Variants in CRTC1 observed in about 807,000 individuals in gnomAD.
CRTC1 encodes the protein CREB regulated transcription coactivator 1.
A neutral mutation model predicts 66.1 loss-of-function variants in CRTC1; 18 were observed. The ratio of observed to expected loss-of-function variants is 0.27; its 90% CI spans 0.19 to 0.40. The LOEUF (loss-of-function observed/expected upper bound fraction) is 0.40, where lower values mean the gene tolerates loss of function less well. Among genes scored for constraint, CRTC1 ranks in the 10% least tolerant of loss-of-function variants. CRTC1 has a pLI of 1.00. For synonymous variants in CRTC1, 416 were observed against 398.8 expected, an observed-to-expected ratio of 1.04 and a Z score of -0.51; for missense variants, 669 against 887.9, an observed-to-expected ratio of 0.75 and a Z score of 3.13.
At chr19:18,705,252 C>T (rs972223522) in intron 1 of CRTC1, among the ~76,000 whole-genome samples, 6 of 152,140 alleles carry the variant, frequency 3.9e-5, no homozygotes, top group Non-Finnish European at 7.3e-5. Flanking sequence ...GTGTACATCT[C>T]TTTGAGTCCC....
chr19:18,747,949 C>T (rs964240240), intron 4 of CRTC1, among the ~76,000 whole-genome samples: 2 of 151,860 alleles, frequency 1.3e-5, no homozygotes, highest in African/African-American at 4.8e-5. Flanking sequence ...TAGTAGTGCA[C>T]GCCTGTACTC....
chr19:18,719,427 G>A (rs1821543561), intron 1 of CRTC1, among the ~76,000 whole-genome samples: 1 of 152,210 alleles, frequency 6.6e-6, no homozygotes, highest in Non-Finnish European at 1.5e-5. Context: ...GGCACTCAAG[G>A]GGTACCAGGT....
intron 1 of CRTC1, among the ~76,000 whole-genome samples, chr19:18,698,214 G>A (rs1229656046): frequency 6.6e-6 from 1 of 151,726 alleles, no homozygotes; most frequent in African/African-American, 2.4e-5. Context: ...CAAGTGCTTA[G>A]TAGGTGCACA....
chr19:18,780,596 G>A lies in CRTC1; in HGVS notation c.*3214G>A, dbSNP rs2055084510. Reference sequence around the variant, plus strand: ...CCATCCATCCCTCCTGCTGGGGCTTGGATGTCAGGCTTGGGGGCTGTGAGC... The same window carrying A: ...CCATCCATCCCTCCTGCTGGGGCTTAGATGTCAGGCTTGGGGGCTGTGAGC... On this transcript the variant is annotated 3_prime_UTR_variant, in exon 14 of 14. Transcript: ENST00000321949. 1 of 230,270 alleles carries A rather than the reference G, an allele frequency of 4.3e-6. No homozygotes were observed. Among genetic ancestry groups the A allele is most frequent in the Admixed American group, 5.7e-5 (1 of 17,676 alleles). The allele number at this position is 230,270 out of a possible 1,614,324, so 14.3% of individuals were successfully genotyped here. A position where few individuals can be genotyped will look rare whatever the true frequency, so the allele number is the denominator to read the frequency against.
chr19:18,757,908 CT>C, intron 6 of CRTC1, among the ~76,000 whole-genome samples: 1 of 150,160 alleles, frequency 6.7e-6, no homozygotes, highest in Admixed American at 6.6e-5. Context: ...GTCCCAGCTA[CT>C]CGGGAGGCTG....
intron 1 of CRTC1, among the ~76,000 whole-genome samples, chr19:18,717,825 C>T (rs983063107): frequency 1.3e-5 from 2 of 152,046 alleles, no homozygotes; most frequent in Admixed American, 6.6e-5. Flanking sequence ...TTTCCAGACA[C>T]GGGGGTGCGT....
chr19:18,737,118 G>A (rs2054013946), intron 1 of CRTC1, among the ~76,000 whole-genome samples: 1 of 152,140 alleles, frequency 6.6e-6, no homozygotes, highest in African/African-American at 2.4e-5. Flanking sequence ...CAGGGGCGTA[G>A]ACTTAGCAGG....
In CRTC1 at chr19:18,683,866, G is replaced by A. The variant is rs573607043; in HGVS notation, c.126+38G>A. ...CCCGCGCCGACCCTTCAGGGCCGGC[G>A]GAGGGAGGGAGGGGGCGCGTGTCCG... On this transcript the variant is annotated intron_variant, in intron 1 of 13. Transcript: ENST00000321949. The A allele has an allele frequency of 6.9e-5, 75 of 1,090,020 alleles. No homozygotes were observed. In the African/African-American group the frequency reaches 1.1e-3, roughly 16 times the overall value. The allele number at this position is 1,090,020 out of a possible 1,614,324, so 67.5% of individuals were successfully genotyped here. A position where few individuals can be genotyped will look rare whatever the true frequency, so the allele number is the denominator to read the frequency against.
At position 18,765,454 on chromosome 19, in the gene CRTC1, C is replaced by T; in HGVS notation, c.937C>T (p.Pro313Ser). Reference protein sequence around the residue: ...SPQHRPAGVSPLSLSTEARRQ... With the variant: ...SPQHRPAGVSSLSLSTEARRQ... Reference sequence around the variant, plus strand: ...ACAGCACCGCCCAGCTGGCGTCAGCCCCCTGTCCCTGAGCACAGAGGCAAG... The same window carrying T: ...ACAGCACCGCCCAGCTGGCGTCAGCTCCCTGTCCCTGAGCACAGAGGCAAG... Residue 313 changes from proline (P) to serine (S), a missense_variant, in exon 9 of 14, where the codon CCC becomes TCC. Transcript: ENST00000321949. The T allele has an allele frequency of 6.2e-7, 1 of 1,612,812 alleles. No individual in the cohort carries two copies. Among genetic ancestry groups the T allele is most frequent in the Non-Finnish European group, 8.5e-7 (1 of 1,179,858 alleles).
Position 18,771,412 on chromosome 19 carries a change from T to C in CRTC1, c.1321-30T>C, listed in dbSNP as rs768978201. ...GGAGCCCGGGCTTGGGCAGCTGGGC[T>C]GCGGCGTGCTGATCTGTCTGTCATC... On this transcript the variant is annotated intron_variant, in intron 10 of 13. Transcript: ENST00000321949. This position sits in a 1 kb window ranked among gnomAD's most constrained non-coding sequence, Gnocchi z 4.6. 7 of 1,582,350 alleles carry C rather than the reference T, an allele frequency of 4.4e-6. No homozygotes were observed. In the South Asian group the frequency reaches 8.0e-5, roughly 18 times the overall value.
At chr19:18,759,749 G>A (rs11669462) in intron 7 of CRTC1, among the ~76,000 whole-genome samples, 158 bp downstream of exon 7, 22 of 152,096 alleles carry the variant, frequency 1.4e-4, no homozygotes, top group Non-Finnish European at 3.1e-4. Context: ...CCACCCCTCA[G>A]GCACCTCATT....
At chr19:18,742,151 A>G (rs1033803584) in intron 1 of CRTC1, among the ~76,000 whole-genome samples, 15 of 152,246 alleles carry the variant, frequency 9.9e-5, no homozygotes, top group African/African-American at 3.6e-4. Context: ...CTGGCAAATC[A>G]GCATCAGCCA....
intron 1 of CRTC1, among the ~76,000 whole-genome samples, chr19:18,697,625 T>C (rs2053025009): frequency 6.6e-6 from 1 of 152,234 alleles, no homozygotes; most frequent in South Asian, 2.1e-4. Flanking sequence ...TGGGAGGCCC[T>C]GCTGTCTTTG....
intron 1 of CRTC1, among the ~76,000 whole-genome samples, chr19:18,685,184 A>G (rs1568472168): frequency 6.6e-6 from 1 of 152,094 alleles, no homozygotes; most frequent in Non-Finnish European, 1.5e-5. Context: ...TTGTGACCTT[A>G]TAGACTAGGA....
At chr19:18,775,536 G>C (rs189081378) in intron 12 of CRTC1, 105 bp from the exon 13 acceptor site, 2 of 1,057,466 alleles carry the variant, frequency 1.9e-6, no homozygotes, top group South Asian at 3.5e-5. Context: ...TGCAGGGACA[G>C]AGTCCCCAGC....
chr19:18,691,604 G>A (rs1238589342), intron 1 of CRTC1, among the ~76,000 whole-genome samples: 1 of 151,842 alleles, frequency 6.6e-6, no homozygotes, highest in Non-Finnish European at 1.5e-5. Context: ...GGCAGAGATT[G>A]GAGCGATGTG....
intron 1 of CRTC1, among the ~76,000 whole-genome samples, chr19:18,691,981 G>A (rs1202367578): frequency 6.6e-6 from 1 of 152,096 alleles, no homozygotes; most frequent in East Asian, 1.9e-4. Context: ...CCAATGTGCT[G>A]GGATTACAGG....
At chr19:18,763,602 A>T (rs962708331) in intron 8 of CRTC1, among the ~76,000 whole-genome samples, 3 of 152,194 alleles carry the variant, frequency 2.0e-5, no homozygotes, top group African/African-American at 7.2e-5. Context: ...CTGTACTTAG[A>T]ATCAACATTG....
chr19:18,762,331 G>A (rs963815737), intron 8 of CRTC1, among the ~76,000 whole-genome samples: 1 of 152,222 alleles, frequency 6.6e-6, no homozygotes, highest in African/African-American at 2.4e-5. Context: ...TGCCTGACAT[G>A]TGTTGGGTTG....
Sources: gnomAD v4.1 joint callset for allele counts (sites outside exome capture counted in the v4.1 genomes callset) on GRCh38, gnomAD v4.1.1 for gene constraint, Gnocchi (gnomAD v3.1) non-coding constraint, MANE v1.5 for transcripts, NCBI Gene and HGNC (gene_info 2026-07-23, HGNC 2026-07-21) for gene names.